Variants in ZNF610 observed in about 807,000 individuals in gnomAD.
The protein encoded by ZNF610 is zinc finger protein 610.
In ZNF610, 14 loss-of-function variants were observed where a neutral mutation model predicts 14.1. The observed-to-expected ratio is 0.99, with a 90% CI of 0.65 to 1.55. The LOEUF (loss-of-function observed/expected upper bound fraction) is 1.55, where lower values mean the gene tolerates loss of function less well. ZNF610 is among the 40% of genes most tolerant of loss of function. The probability of loss-of-function intolerance (pLI) is 0.00; values close to 1 mark genes in which losing one functional copy is unlikely to be tolerated. For synonymous variants in ZNF610, 185 were observed against 187.6 expected (o/e 0.99, Z 0.11); for missense variants, 530 against 558.0 (o/e 0.95, Z 0.51).
intron 3 of ZNF610, 88 bp downstream of exon 3, chr19:52,349,323 C>T: frequency 7.1e-7 from 1 of 1,416,740 alleles, no homozygotes; most frequent in Non-Finnish European, 9.9e-7. Flanking sequence ...TCACACTCAC[C>T]CATGCCTTCC....
intron 1 of ZNF610, chr19:52,345,195 A>G (rs940390101): frequency 6.6e-6 from 1 of 152,212 alleles, no homozygotes; most frequent in Non-Finnish European, 1.5e-5. Flanking sequence ...GAGGATACCA[A>G]AATCAGGTGA....
At position 52,349,249 on chromosome 19, in the gene ZNF610, C is replaced by G. The variant is rs1335769561; in HGVS notation, c.63+14C>G. 1.2e-6 allele frequency: 2 copies of G among 1,611,660 alleles called. No individual in the cohort carries two copies. Among genetic ancestry groups the G allele is most frequent in the Non-Finnish European group, 1.7e-6 (2 of 1,179,354 alleles). On this transcript the variant is annotated intron_variant, in intron 3 of 5. Transcript: ENST00000403906. Reference sequence around the variant, plus strand: ...GCTCTTCCTCAGGTAAAGTGATATTCTCGGTGGTTGGTTCTCTCTGTTTCT... The same window carrying G: ...GCTCTTCCTCAGGTAAAGTGATATTGTCGGTGGTTGGTTCTCTCTGTTTCT...
At chr19:52,362,181 C>A (rs955446197) in intron 5 of ZNF610, among the ~76,000 whole-genome samples, 2 of 152,200 alleles carry the variant, frequency 1.3e-5, no homozygotes, top group East Asian at 1.9e-4. Context: ...GAGGCCGAGG[C>A]GGGTGGATCA....
chr19:52,346,410 G>T (rs904796946), intron 1 of ZNF610, among the ~76,000 whole-genome samples: 3 of 151,902 alleles, frequency 2.0e-5, no homozygotes, highest in Non-Finnish European at 1.5e-5. Context: ...TGATCTGCCC[G>T]CCTCGGCCTC....
the ZNF610 span, among the ~76,000 whole-genome samples, chr19:52,330,612 A>T: frequency 1.3e-5 from 2 of 152,214 alleles, no homozygotes; most frequent in Non-Finnish European, 2.9e-5. Flanking sequence ...TATTTAGAAG[A>T]GGCTTTTTTA....
At chr19:52,335,846 T>C (rs1418018660), upstream of ZNF610, among the ~76,000 whole-genome samples, 1 of 152,178 alleles carries the variant, frequency 6.6e-6, no homozygotes, top group East Asian at 1.9e-4. Context: ...AAATTAGTTT[T>C]TATTTACTTA....
intron 3 of ZNF610, among the ~76,000 whole-genome samples, chr19:52,349,933 A>G (rs1042936996): frequency 1.3e-5 from 2 of 152,142 alleles, no homozygotes; most frequent in Non-Finnish European, 2.9e-5. Context: ...AGGAAGGAGA[A>G]ATCTTTTCTG....
Position 52,347,786 on chromosome 19 carries a change from G to A in ZNF610, c.-178G>A, listed in dbSNP as rs1054874972. The A allele has an allele frequency of 1.5e-4, 23 of 152,130 alleles. No homozygotes were observed. Among genetic ancestry groups the A allele is most frequent in the African/African-American group, 4.8e-4 (20 of 41,418 alleles). 9.4% of individuals were successfully genotyped at this position (152,130 alleles called of 1,614,324 possible). A position where few individuals can be genotyped will look rare whatever the true frequency, so the allele number is the denominator to read the frequency against. ...AGTCTGCCTGCCTCGTTCTCCAAAC[G>A]TGCTGGGATTACAGGCATGAGCCAC... is the stretch of plus-strand genomic sequence containing the variant. On this transcript the variant is annotated 5_prime_UTR_variant, in exon 2 of 6. It adds an upstream start codon to the 5' untranslated region. Transcript: ENST00000403906.
chr19:52,363,751 C>T (rs1167575867), intron 5 of ZNF610, among the ~76,000 whole-genome samples: 1 of 152,106 alleles, frequency 6.6e-6, no homozygotes, highest in East Asian at 1.9e-4. Flanking sequence ...CAATTTATGT[C>T]TTTAGAGTTA....
chr19:52,332,372 T>C (rs1370646618), upstream of ZNF610, among the ~76,000 whole-genome samples: 2 of 152,200 alleles, frequency 1.3e-5, no homozygotes, highest in African/African-American at 2.4e-5. This position sits in a 1 kb window ranked among gnomAD's most constrained non-coding sequence, Gnocchi z 4.1. Context: ...GGAGATGGAT[T>C]GAAACAGGCT....
intron 5 of ZNF610, among the ~76,000 whole-genome samples, chr19:52,363,003 G>T (rs1882884675): frequency 6.6e-6 from 1 of 151,868 alleles, no homozygotes; most frequent in African/African-American, 2.4e-5. Flanking sequence ...GTTTTAAGGA[G>T]CAGGGAGTTT....
intron 3 of ZNF610, among the ~76,000 whole-genome samples, chr19:52,352,928 T>G (rs1490268871): frequency 1.3e-5 from 2 of 152,100 alleles, no homozygotes; most frequent in Non-Finnish European, 2.9e-5. Context: ...GATATTTTCT[T>G]TGACCTTTAT....
chr19:52,342,537 T>G (rs1253556975), intron 1 of ZNF610, among the ~76,000 whole-genome samples: 3 of 150,712 alleles, frequency 2.0e-5, no homozygotes, highest in African/African-American at 7.3e-5. Flanking sequence ...TTTTTTTTTT[T>G]GAGACGGAGT....
chr19:52,348,138 A>T (rs1376444272), intron 2 of ZNF610, 194 bp downstream of exon 2: 4 of 152,204 alleles, frequency 2.6e-5, no homozygotes, highest in African/African-American at 7.2e-5. Context: ...TGTGTAGTAG[A>T]CTATACCATC....
intron 5 of ZNF610, among the ~76,000 whole-genome samples, chr19:52,356,823 T>C (rs1985543309): frequency 6.6e-6 from 1 of 152,224 alleles, no homozygotes; most frequent in African/African-American, 2.4e-5. Context: ...TAATTTGTTA[T>C]TTAAGACTGA....
chr19:52,360,556 G>C (rs1438428546), intron 5 of ZNF610, among the ~76,000 whole-genome samples: 1 of 152,144 alleles, frequency 6.6e-6, no homozygotes, highest in East Asian at 1.9e-4. Context: ...TTTTATATAA[G>C]GCTTCTGTAT....
intron 3 of ZNF610, among the ~76,000 whole-genome samples, chr19:52,351,412 C>T (rs918028411): frequency 4.0e-5 from 6 of 151,466 alleles, no homozygotes; most frequent in South Asian, 2.1e-4. Flanking sequence ...GCCAAGATTG[C>T]GCCATTGCAC....
At position 52,347,827 on chromosome 19, in the gene ZNF610, A is replaced by G. The variant is rs1985035527; in HGVS notation, c.-137A>G. On this transcript the variant is annotated 5_prime_UTR_variant, in exon 2 of 6. Coordinates refer to ENST00000403906, the MANE Select transcript of ZNF610 (RefSeq NM_001161425.2). ...CATGAGCCACTACGCCTGGCCAAGT[A>G]TTCGGTATTTATAAAATCTACAGTA... The G allele has an allele frequency of 6.6e-6, 1 of 152,126 alleles. No homozygotes were observed. Among genetic ancestry groups the G allele is most frequent in the Non-Finnish European group, 1.5e-5 (1 of 68,030 alleles). 9.4% of individuals were successfully genotyped at this position (152,126 alleles called of 1,614,324 possible). A position where few individuals can be genotyped will look rare whatever the true frequency, so the allele number is the denominator to read the frequency against.
At chr19:52,345,021 A>G (rs1230650931) in intron 1 of ZNF610, 1 of 152,196 alleles carries the variant, frequency 6.6e-6, no homozygotes, top group Non-Finnish European at 1.5e-5. Context: ...AGCTCAGGCA[A>G]TCCACCTACC....
Sources: allele counts gnomAD v4.1 joint callset (sites outside exome capture counted in the v4.1 genomes callset), GRCh38; gene constraint gnomAD v4.1.1; non-coding constraint Gnocchi (gnomAD v3.1); transcripts MANE v1.5; gene names NCBI Gene and HGNC (gene_info 2026-07-23, HGNC 2026-07-21).